PARD3: variants seen among roughly 807,000 people sequenced by gnomAD.
PARD3 encodes the protein par-3 family cell polarity regulator.
A neutral mutation model predicts 155.4 loss-of-function variants in PARD3; 75 were observed. That is an observed-to-expected ratio of 0.48 (90% CI 0.40 to 0.58). PARD3 has a LOEUF of 0.58. PARD3 is among the 20% of genes least tolerant of loss of function. The pLI is 0.00. For synonymous variants in PARD3, 576 were observed against 610.5 expected, an observed-to-expected ratio of 0.94 and a Z score of 0.83; for missense variants, 1,642 against 1,721.7, an observed-to-expected ratio of 0.95 and a Z score of 0.82.
intron 1 of PARD3, among the ~76,000 whole-genome samples, chr10:34,704,044 G>A (rs1370604992): frequency 6.6e-6 from 1 of 152,172 alleles, no homozygotes; most frequent in East Asian, 1.9e-4. Flanking sequence ...ACAGAAGACA[G>A]CTCCCGGGAC....
At chr10:34,779,390 CACG>C (rs1417500353) in intron 1 of PARD3, among the ~76,000 whole-genome samples, 8 of 152,054 alleles carry the variant, frequency 5.3e-5, no homozygotes, top group African/African-American at 1.7e-4. Context: ...CCCAGCAGAT[CACG>C]ACATCAGGCG....
At chr10:34,684,851 A>G (rs1411085260) in intron 2 of PARD3, among the ~76,000 whole-genome samples, 1 of 136,424 alleles carries the variant, frequency 7.3e-6, no homozygotes, top group Non-Finnish European at 1.6e-5. Context: ...ACACACATAT[A>G]TATACATGTA....
At position 34,309,548 on chromosome 10, in the gene PARD3, CAAAA is replaced by C. The variant is rs1173904388; in HGVS notation, c.3065+7555_3065+7558del. On this transcript the variant is annotated intron_variant, in intron 20 of 24. Coordinates refer to ENST00000374788, the MANE Select transcript of PARD3 (RefSeq NM_001184785.2). ...CTCCTGCTGAGCAAGACCCTGTCTC[CAAAA>C]AAAAAAAAAAAAAAAAAAAAAAAAA... is the stretch of plus-strand genomic sequence containing the variant. Among the ~76,000 whole-genome samples the C allele has an allele frequency of 3.6e-4, 23 of 64,026 alleles. No individual in the cohort carries two copies. The East Asian group carries it at 0.01, about 28-fold the overall frequency. The allele number at this position is 64,026 out of a possible 152,430, so 42.0% of individuals were successfully genotyped here.
intron 5 of PARD3, among the ~76,000 whole-genome samples, chr10:34,430,214 C>T (rs1446268594): frequency 6.6e-6 from 1 of 152,078 alleles, no homozygotes. Flanking sequence ...AGGATTTTAA[C>T]CATATGTATG....
chr10:34,515,245 A>G (rs2081641211), intron 3 of PARD3, among the ~76,000 whole-genome samples: 1 of 152,228 alleles, frequency 6.6e-6, no homozygotes, highest in African/African-American at 2.4e-5. Context: ...AACACTGCCC[A>G]AAGCAAATCT....
chr10:34,463,819 A>C (rs774050557), intron 4 of PARD3, among the ~76,000 whole-genome samples: 4 of 152,216 alleles, frequency 2.6e-5, no homozygotes, highest in Non-Finnish European at 5.9e-5. Flanking sequence ...GATATGTTGG[A>C]TACACAAATA....
intron 5 of PARD3, among the ~76,000 whole-genome samples, chr10:34,415,429 A>T (rs1845571436): frequency 6.6e-6 from 1 of 152,162 alleles, no homozygotes; most frequent in African/African-American, 2.4e-5. Flanking sequence ...AAGTATCAAC[A>T]CTCTGAATGA....
intron 2 of PARD3, among the ~76,000 whole-genome samples, chr10:34,624,055 T>G (rs1590278709): frequency 6.6e-6 from 1 of 152,138 alleles, no homozygotes; most frequent in East Asian, 1.9e-4. Context: ...GCCTGGTCTC[T>G]AGGAACAACA....
intron 5 of PARD3, among the ~76,000 whole-genome samples, chr10:34,443,078 C>T (rs1013001990): frequency 1.3e-4 from 19 of 151,914 alleles, no homozygotes; most frequent in African/African-American, 3.9e-4. Flanking sequence ...TCTGGTAAGT[C>T]GTGTGGACAC....
intron 18 of PARD3, among the ~76,000 whole-genome samples, chr10:34,332,190 G>C (rs1043527893): frequency 3.3e-5 from 5 of 152,130 alleles, no homozygotes; most frequent in Admixed American, 3.3e-4. Context: ...ATTTCCTGAG[G>C]ATCTAGGGCA....
Position 34,547,937 on chromosome 10 carries a change from G to A in PARD3, c.223-30778C>T, listed in dbSNP as rs527911985. On this transcript the variant is annotated intron_variant, in intron 2 of 24. Coordinates refer to ENST00000374788, the MANE Select transcript of PARD3 (RefSeq NM_001184785.2). ...TCATAAATATTGTTGCACATCAATGGGCTCTAAAAGCTAACCAGATGGTGA... is the reference window on the plus strand; with the variant it reads ...TCATAAATATTGTTGCACATCAATGAGCTCTAAAAGCTAACCAGATGGTGA... Among the ~76,000 whole-genome samples, 119 of 152,154 alleles carry A rather than the reference G, an allele frequency of 7.8e-4. 6 individuals are homozygous for A. In the South Asian group the frequency reaches 0.024, roughly 31 times the overall value.
At chr10:34,598,707 A>C (rs1302281280) in intron 2 of PARD3, among the ~76,000 whole-genome samples, 1 of 152,220 alleles carries the variant, frequency 6.6e-6, no homozygotes, top group Non-Finnish European at 1.5e-5. Flanking sequence ...AAACAAGGGC[A>C]GGGGTTCAAG....
intron 1 of PARD3, among the ~76,000 whole-genome samples, chr10:34,771,135 A>T (rs1838811048): frequency 1.3e-5 from 2 of 152,344 alleles, no homozygotes; most frequent in Middle Eastern, 6.8e-3. Context: ...TTTCATCAGG[A>T]AACTGCACAA....
Position 34,341,635 on chromosome 10 carries a change from T to G in PARD3, c.2400A>C (p.Ser800=). 1.2e-6 allele frequency: 2 copies of G among 1,611,556 alleles called. No individual in the cohort carries two copies. Among genetic ancestry groups the G allele is most frequent in the Non-Finnish European group, 1.7e-6 (2 of 1,179,026 alleles). ...CTGGACGATGAGCTTACCAGTCGGC[T>G]GAATCACTGATTGCAGCCTTGGCCC... ...GTWAKAAISD[S]ADCSLSPDVD... The change falls in exon 16 of 25, where the codon TCA becomes TCC. Residue 800 remains serine, a synonymous_variant. Coordinates refer to ENST00000374788, the MANE Select transcript of PARD3 (RefSeq NM_001184785.2).
At chr10:34,422,429 G>T (rs1554853580) in intron 5 of PARD3, among the ~76,000 whole-genome samples, 1 of 151,976 alleles carries the variant, frequency 6.6e-6, no homozygotes, top group Non-Finnish European at 1.5e-5. Flanking sequence ...AAACAAGATT[G>T]CATCAAACTA....
intron 2 of PARD3, among the ~76,000 whole-genome samples, chr10:34,529,166 A>G (rs2082669625): frequency 6.6e-6 from 1 of 152,164 alleles, no homozygotes; most frequent in Admixed American, 6.5e-5. Context: ...AACTACTTGT[A>G]ATTGGGTGCC....
At chr10:34,419,719 C>A (rs1293394106) in intron 5 of PARD3, among the ~76,000 whole-genome samples, 1 of 152,120 alleles carries the variant, frequency 6.6e-6, no homozygotes, top group Non-Finnish European at 1.5e-5. Context: ...TACAATATTT[C>A]ACCCTACATT....
At chr10:34,132,627 C>A (rs1947673075) in intron 22 of PARD3, among the ~76,000 whole-genome samples, 1 of 152,114 alleles carries the variant, frequency 6.6e-6, no homozygotes, top group Non-Finnish European at 1.5e-5. Flanking sequence ...TTGGTCTATG[C>A]CATTCACTAA....
chr10:34,421,106 A>G (rs953488294), intron 5 of PARD3, among the ~76,000 whole-genome samples: 1 of 152,184 alleles, frequency 6.6e-6, no homozygotes, highest in African/African-American at 2.4e-5. Flanking sequence ...TGGGTGGTCA[A>G]GGCTGCAGTG....
Sources: allele counts gnomAD v4.1 joint callset (sites outside exome capture counted in the v4.1 genomes callset), GRCh38; gene constraint gnomAD v4.1.1; transcripts MANE v1.5; gene names NCBI Gene and HGNC (gene_info 2026-07-23, HGNC 2026-07-21).